Variants in PKLR observed in about 807,000 individuals in gnomAD.
The protein encoded by PKLR is pyruvate kinase L/R, also known as pyruvate kinase PKLR.
A neutral mutation model predicts 53.6 loss-of-function variants in PKLR; 38 were observed. The observed-to-expected ratio is 0.71, with a 90% CI of 0.55 to 0.93. The LOEUF is 0.93. Among genes scored for constraint, PKLR ranks in the 40% least tolerant of loss-of-function variants. The pLI, the probability that PKLR is intolerant of heterozygous loss-of-function variation, is 0.00. For missense variants in PKLR, 702 were observed against 787.3 expected (o/e 0.89, Z 1.30); for synonymous variants, 328 against 316.2 (o/e 1.04, Z -0.39).
Position 155,290,449 on chromosome 1 carries a change from G to T in PKLR, c.*123C>A. On this transcript the variant is annotated 3_prime_UTR_variant, in exon 11 of 11. Coordinates refer to ENST00000342741, the MANE Select transcript of PKLR (RefSeq NM_000298.6). Reference sequence around the variant, plus strand: ...CTCAGATAGGCCTCAGGTAGGGAGGGTCAGGAATAGAGAAGAGAGGACTTA... The same window carrying T: ...CTCAGATAGGCCTCAGGTAGGGAGGTTCAGGAATAGAGAAGAGAGGACTTA... 1 of 696,482 alleles carries T rather than the reference G, an allele frequency of 1.4e-6. No individual in the cohort carries two copies. The highest frequency in any genetic ancestry group is 1.5e-5 in the South Asian group (1 of 65,616). The allele number at this position is 696,482 out of a possible 1,614,324, so 43.1% of individuals were successfully genotyped here.
In PKLR at chr1:155,300,088, G is replaced by T. The variant is rs776850789; in HGVS notation, c.283+10C>A. 1.9e-6 allele frequency: 3 copies of T among 1,613,086 alleles called. No homozygotes were observed. The highest frequency in any genetic ancestry group is 2.2e-5 in the South Asian group (2 of 91,076). ...GCCCTGTGTGGCTGCAGGGGGATGG[G>T]AGTGCTTACCGATGGTGGCAATGAT... On this transcript the variant is annotated intron_variant, in intron 2 of 10. Coordinates refer to ENST00000342741, the MANE Select transcript of PKLR (RefSeq NM_000298.6).
chr1:155,292,241 G>GAAAAAAA (rs57484820), intron 9 of PKLR, among the ~76,000 whole-genome samples: 2 of 138,116 alleles, frequency 1.4e-5, no homozygotes, highest in Non-Finnish European at 3.1e-5. Flanking sequence ...TCTGCATTAA[G>GAAAAAAA]AAAAAAAAAA....
At chr1:155,300,768 C>T in intron 1 of PKLR, 3 of 1,271,300 alleles carry the variant, frequency 2.4e-6, no homozygotes. Flanking sequence ...TACTGGCTGG[C>T]TTCCCCACCC....
rs780659178 is a variant in PKLR, at chr1:155,294,621, C to T, written c.826G>A (p.Val276Met). 7.4e-6 allele frequency: 12 copies of T among 1,613,952 alleles called. No homozygotes were observed. The highest frequency in any genetic ancestry group is 5.9e-6 in the Non-Finnish European group (7 of 1,179,906). The change falls in exon 6 of 11, where the codon GTG (valine) becomes ATG (methionine). Residue 276 changes from valine to methionine, a missense_variant. This residue lies in a region of PKLR where 519 missense variants were observed against 537.1 expected (regional missense o/e 0.97). Transcript: ENST00000342741. ...EQDVRDLRFGVEHGVDIVFAS... is the reference protein window; with the variant it reads ...EQDVRDLRFGMEHGVDIVFAS... ...AAGACGATGTCCACCCCATGCTCCA[C>T]CCCGAAGCGCAGGTCTCGGACGTCC... is the stretch of plus-strand genomic sequence containing the variant.
At chr1:155,299,049 T>C (rs11802924) in intron 2 of PKLR, among the ~76,000 whole-genome samples, 42,762 of 130,404 alleles carry the variant, frequency 0.33, 9,054 homozygotes, top group East Asian at 0.7. Context: ...TCTTTCTTTC[T>C]TTCCTTCCTT....
In PKLR at chr1:155,294,252, C is replaced by A. The variant is rs777020292; in HGVS notation, c.1099G>T (p.Val367Phe). 1 of 1,614,236 alleles carries A rather than the reference C, an allele frequency of 6.2e-7. No homozygotes were observed. The change falls in exon 7 of 11, where the codon GTT becomes TTT. Residue 367 changes from valine to phenylalanine, a missense_variant. This residue lies in a region of PKLR where 519 missense variants were observed against 537.1 expected (regional missense o/e 0.97). Transcript: ENST00000342741. ...IGRCNLAGKP[V>F]VCATQMLESM... Reference sequence around the variant, plus strand: ...CTCCAGACCTGTGTGGCACAGACAACAGGCTTGCCCGCCAAGTTGCAGCGC... The same window carrying A: ...CTCCAGACCTGTGTGGCACAGACAAAAGGCTTGCCCGCCAAGTTGCAGCGC...
At chr1:155,301,643 A>AT (rs968723044), upstream of PKLR, among the ~76,000 whole-genome samples, 285 of 137,144 alleles carry the variant, frequency 2.1e-3, no homozygotes, top group African/African-American at 6.7e-3. Context: ...GTGAATAGAT[A>AT]TTTTTTTTTT....
Position 155,291,634 on chromosome 1 carries a change from C to G in PKLR, c.1618+122G>C. ...GACTGATATCTCAGTCTTAGTGACT[C>G]TCACAGGGAAAACCTGGGACCACAG... On this transcript the variant is annotated intron_variant, in intron 10 of 10. Transcript: ENST00000342741. 9.5e-6 allele frequency: 8 copies of G among 839,718 alleles called. No homozygotes were observed. The South Asian group carries it at 1.1e-4, about 12-fold the overall frequency. The allele number at this position is 839,718 out of a possible 1,614,324, so 52.0% of individuals were successfully genotyped here. A position where few individuals can be genotyped will look rare whatever the true frequency, so the allele number is the denominator to read the frequency against.
At chr1:155,296,808 C>T (rs1186000774) in intron 2 of PKLR, among the ~76,000 whole-genome samples, 1 of 152,136 alleles carries the variant, frequency 6.6e-6, no homozygotes, top group Admixed American at 6.6e-5. Flanking sequence ...TACTTGCTAC[C>T]TCTAGTTCCC....
intron 2 of PKLR, among the ~76,000 whole-genome samples, chr1:155,299,330 A>C (rs1011349047): frequency 6.8e-6 from 1 of 147,352 alleles, no homozygotes; most frequent in Non-Finnish European, 1.5e-5. Context: ...AGCTGGGACT[A>C]CAGGCATGCA....
In PKLR at chr1:155,293,098, A is replaced by T; in HGVS notation, c.1436+79T>A. ...GACACTCTTCACCCCTGGTGACCAGACTAAACCCAAGCCTGGGGCCCGTCC... is the reference window on the plus strand; with the variant it reads ...GACACTCTTCACCCCTGGTGACCAGTCTAAACCCAAGCCTGGGGCCCGTCC... On this transcript the variant is annotated intron_variant, in intron 9 of 10. Coordinates refer to ENST00000342741, the MANE Select transcript of PKLR (RefSeq NM_000298.6). This position sits in a 1 kb window ranked among gnomAD's most constrained non-coding sequence, Gnocchi z 4.2. 1 of 1,479,284 alleles carries T rather than the reference A, an allele frequency of 6.8e-7. No individual in the cohort carries two copies. The highest frequency in any genetic ancestry group is 9.5e-7 in the Non-Finnish European group (1 of 1,057,232). The allele number at this position is 1,479,284 out of a possible 1,614,324, so 91.6% of individuals were successfully genotyped here. A position where few individuals can be genotyped will look rare whatever the true frequency, so the allele number is the denominator to read the frequency against.
chr1:155,291,638 C>T, intron 10 of PKLR, 118 bp downstream of exon 10: 1 of 867,064 alleles, frequency 1.2e-6, no homozygotes, highest in South Asian at 1.4e-5. Flanking sequence ...GTGACTCTCA[C>T]AGGGAAAACC....
At chr1:155,292,987 T>C (rs1274731902) in intron 9 of PKLR, among the ~76,000 whole-genome samples, 190 bp downstream of exon 9, 1 of 152,142 alleles carries the variant, frequency 6.6e-6, no homozygotes. Flanking sequence ...GATGCCGCTG[T>C]CCCCTTCCAG....
At chr1:155,308,155 A>C in the PKLR span, among the ~76,000 whole-genome samples, 1 of 148,204 alleles carries the variant, frequency 6.7e-6, no homozygotes, top group Non-Finnish European at 1.5e-5. Context: ...CTGCCTTACG[A>C]GTTCAAGCGA....
chr1:155,308,055 C>CTTTT, the PKLR span, among the ~76,000 whole-genome samples: 2 of 123,796 alleles, frequency 1.6e-5, no homozygotes, highest in Non-Finnish European at 3.3e-5. Flanking sequence ...TGAGACTCAT[C>CTTTT]TTTTTTTTTT....
In PKLR at chr1:155,301,430, G is replaced by C. The variant is rs1647985614; in HGVS notation, c.-35C>G. 1 of 1,613,968 alleles carries C rather than the reference G, an allele frequency of 6.2e-7. No homozygotes were observed. Among genetic ancestry groups the C allele is most frequent in the East Asian group, 2.2e-5 (1 of 44,856 alleles). Reference sequence around the variant, plus strand: ...GTGGGCCTGGGGCTGCGGGACCATGGAATGAGAGGGAGAGGATGACAAAAC... The same window carrying C: ...GTGGGCCTGGGGCTGCGGGACCATGCAATGAGAGGGAGAGGATGACAAAAC... On this transcript the variant is annotated 5_prime_UTR_variant, in exon 1 of 11. Transcript: ENST00000342741.
rs140571200 is a variant in PKLR, at chr1:155,300,163, A to T, written c.218T>A (p.Leu73His). The T allele has an allele frequency of 6.8e-6, 11 of 1,613,926 alleles. No homozygotes were observed. Among genetic ancestry groups the T allele is most frequent in the Non-Finnish European group, 9.3e-6 (11 of 1,180,016 alleles). The change falls in exon 2 of 11, where the codon CTC (leucine) becomes CAC (histidine). Residue 73 changes from leucine to histidine, a missense_variant. This residue lies in a region of PKLR where 519 missense variants were observed against 537.1 expected (regional missense o/e 0.97). Transcript: ENST00000342741. ...CTCGGAGTCAATGTCCAGTAGGCAG[A>T]GGTGTTCCAGGAAGGTGTCTGCCAT... ...AAMADTFLEH[L>H]CLLDIDSEPV... is the part of the protein sequence containing the mutation.
chr1:155,300,636 C>T (rs1194532559), intron 1 of PKLR, among the ~76,000 whole-genome samples: 1 of 152,088 alleles, frequency 6.6e-6, no homozygotes, highest in Non-Finnish European at 1.5e-5. Flanking sequence ...CCTGCAGCTA[C>T]TGATGACCCT....
At chr1:155,306,843 G>A in the PKLR span, among the ~76,000 whole-genome samples, 8 of 152,158 alleles carry the variant, frequency 5.3e-5, no homozygotes, top group Non-Finnish European at 8.8e-5. This position sits in a 1 kb window ranked among gnomAD's most constrained non-coding sequence, Gnocchi z 4.2. Context: ...GATGTGTTCG[G>A]AGTTTTTTCC....
Sources: allele counts gnomAD v4.1 joint callset (sites outside exome capture counted in the v4.1 genomes callset), GRCh38; gene constraint gnomAD v4.1.1; regional missense constraint gnomAD v4.1.1; non-coding constraint Gnocchi (gnomAD v3.1); transcripts MANE v1.5; gene names NCBI Gene and HGNC (gene_info 2026-07-23, HGNC 2026-07-21).